Variants in GLIS1 observed in about 807,000 individuals in gnomAD.
The protein encoded by GLIS1 is zinc finger protein GLIS1.
A neutral mutation model predicts 63.8 loss-of-function variants in GLIS1; 24 were observed. The observed-to-expected ratio is 0.38, with a 90% CI of 0.27 to 0.53. The LOEUF (loss-of-function observed/expected upper bound fraction) is 0.53, where lower values mean the gene tolerates loss of function less well. GLIS1 is among the 20% of genes least tolerant of loss of function. GLIS1 has a pLI of 0.85. For missense variants in GLIS1, 1,036 were observed against 1,074.1 expected (o/e 0.96, Z 0.50); for synonymous variants, 450 against 482.5 (o/e 0.93, Z 0.88).
At chr1:53,548,624 T>C (rs912515808) in intron 4 of GLIS1, among the ~76,000 whole-genome samples, 4 of 152,178 alleles carry the variant, frequency 2.6e-5, no homozygotes, top group Admixed American at 6.5e-5. Context: ...TCTGACAAGG[T>C]AAGGGTTATA....
intron 2 of GLIS1, among the ~76,000 whole-genome samples, chr1:53,660,764 C>T (rs1646018579): frequency 6.6e-6 from 1 of 152,168 alleles, no homozygotes; most frequent in Admixed American, 6.5e-5. Context: ...GATGGGGGCT[C>T]TCCTGGTGCT....
At chr1:53,549,017 C>T (rs1268912039) in intron 4 of GLIS1, among the ~76,000 whole-genome samples, 4 of 152,222 alleles carry the variant, frequency 2.6e-5, no homozygotes, top group East Asian at 3.8e-4. Flanking sequence ...TGACACATCA[C>T]GTAAGTTGAA....
intron 2 of GLIS1, among the ~76,000 whole-genome samples, chr1:53,691,922 C>A (rs1444339816): frequency 6.6e-6 from 1 of 152,154 alleles, no homozygotes; most frequent in Non-Finnish European, 1.5e-5. Context: ...ATTACCATTA[C>A]TCTAGTCCCA....
intron 2 of GLIS1, among the ~76,000 whole-genome samples, chr1:53,728,360 C>A (rs771381764): frequency 3.1e-4 from 47 of 152,302 alleles, no homozygotes; most frequent in Middle Eastern, 6.8e-3. Context: ...ATTAATTGAG[C>A]ATTTACCATG....
intron 2 of GLIS1, among the ~76,000 whole-genome samples, chr1:53,629,765 A>G (rs1423891607): frequency 6.6e-6 from 1 of 152,112 alleles, no homozygotes; most frequent in Non-Finnish European, 1.5e-5. Flanking sequence ...CCTACTACAT[A>G]TTATTATATT....
At chr1:53,513,907 C>T (rs1241670213) in intron 8 of GLIS1, among the ~76,000 whole-genome samples, 1 of 152,250 alleles carries the variant, frequency 6.6e-6, no homozygotes, top group African/African-American at 2.4e-5. Flanking sequence ...GAGGAAGGTG[C>T]TGGGGCCAGG....
intron 2 of GLIS1, among the ~76,000 whole-genome samples, chr1:53,724,608 C>A (rs1359107186): frequency 6.6e-6 from 1 of 152,132 alleles, no homozygotes; most frequent in African/African-American, 2.4e-5. Flanking sequence ...CATCCTTGAA[C>A]TCCTGGGCTC....
At chr1:53,566,042 C>T (rs1225504567) in intron 4 of GLIS1, among the ~76,000 whole-genome samples, 3 of 152,106 alleles carry the variant, frequency 2.0e-5, no homozygotes, top group Non-Finnish European at 4.4e-5. Context: ...TGACTCACTA[C>T]ATATACAAAT....
intron 4 of GLIS1, among the ~76,000 whole-genome samples, 160 bp downstream of exon 4, chr1:53,593,948 C>A (rs956522794): frequency 2.6e-5 from 4 of 152,228 alleles, no homozygotes; most frequent in African/African-American, 9.6e-5. Context: ...ACCGTCTTGA[C>A]CAGGGGCCAC....
intron 3 of GLIS1, 56 bp from the exon 4 acceptor site, chr1:53,595,046 G>A: frequency 1.5e-6 from 2 of 1,372,608 alleles, no homozygotes; most frequent in Non-Finnish European, 1.9e-6. Flanking sequence ...CAGAGGGAAG[G>A]CTCAGGTGGG....
chr1:53,506,486 T>G lies in GLIS1; in HGVS notation c.*133A>C. 1.1e-6 allele frequency: 1 copy of G among 946,636 alleles called. No individual in the cohort carries two copies. Among genetic ancestry groups the G allele is most frequent in the Admixed American group, 2.5e-5 (1 of 39,270 alleles). The allele number at this position is 946,636 out of a possible 1,614,324, so 58.6% of individuals were successfully genotyped here. A position where few individuals can be genotyped will look rare whatever the true frequency, so the allele number is the denominator to read the frequency against. ...CGCTGGGTGGGGTGGCAGCGCTGGC[T>G]CCCCTGGGTCATGGCCTGGCTGTTC... On this transcript the variant is annotated 3_prime_UTR_variant, in exon 11 of 11. Coordinates refer to ENST00000628545, the MANE Select transcript of GLIS1 (RefSeq NM_001367484.1).
At chr1:53,684,441 C>T (rs971692290) in intron 2 of GLIS1, among the ~76,000 whole-genome samples, 1 of 152,126 alleles carries the variant, frequency 6.6e-6, no homozygotes, top group Admixed American at 6.5e-5. Context: ...CAGCCTGGGG[C>T]CCTTAAGATG....
intron 4 of GLIS1, among the ~76,000 whole-genome samples, chr1:53,586,722 TCAAG>T (rs1362690556): frequency 1.3e-5 from 2 of 152,164 alleles, no homozygotes; most frequent in Non-Finnish European, 2.9e-5. Flanking sequence ...CAGAAAAACT[TCAAG>T]CACCAGATTA....
intron 4 of GLIS1, among the ~76,000 whole-genome samples, chr1:53,561,039 G>C (rs1485328520): frequency 3.3e-5 from 5 of 152,146 alleles, no homozygotes; most frequent in Admixed American, 6.5e-5. Flanking sequence ...AGCCCCTACT[G>C]TGTGCCAGGC....
chr1:53,680,173 A>G (rs1646259169), intron 2 of GLIS1, among the ~76,000 whole-genome samples: 2 of 152,168 alleles, frequency 1.3e-5, no homozygotes, highest in African/African-American at 4.8e-5. Context: ...AGATTGTCTC[A>G]GCCACTAACA....
intron 2 of GLIS1, among the ~76,000 whole-genome samples, chr1:53,698,188 G>A (rs917709735): frequency 2.0e-5 from 3 of 151,986 alleles, no homozygotes; most frequent in East Asian, 1.9e-4. Context: ...GCTTCAGTGC[G>A]AGATGTCAGA....
At chr1:53,634,087 AAAG>A (rs1645698856) in intron 2 of GLIS1, among the ~76,000 whole-genome samples, 1 of 152,208 alleles carries the variant, frequency 6.6e-6, no homozygotes, top group South Asian at 2.1e-4. Flanking sequence ...GAAGTCTTAT[AAAG>A]ATGGAGTTGC....
At chr1:53,579,218 A>C (rs747903246) in intron 4 of GLIS1, among the ~76,000 whole-genome samples, 1 of 152,200 alleles carries the variant, frequency 6.6e-6, no homozygotes, top group Non-Finnish European at 1.5e-5. Flanking sequence ...TCAATGAGAA[A>C]GCCCCACTGG....
chr1:53,594,123 C>T lies in GLIS1; in HGVS notation c.1305G>A (p.Lys435=). Residue 435 remains lysine (K), a synonymous_variant, in exon 4 of 11, where the codon AAG becomes AAA. Coordinates refer to ENST00000628545, the MANE Select transcript of GLIS1 (RefSeq NM_001367484.1). Reference sequence around the variant, plus strand: ...GGGAACTCACCATGCACTTGTTGGGCTTCTCGCCCGAGTGCACTCGCATGT... The same window carrying T: ...GGGAACTCACCATGCACTTGTTGGGTTTCTCGCCCGAGTGCACTCGCATGT... ...LIHMRVHSGE[K]PNKCMFEGCS... 1 of 1,610,424 alleles carries T rather than the reference C, an allele frequency of 6.2e-7. No homozygotes were observed. The highest frequency in any genetic ancestry group is 8.5e-7 in the Non-Finnish European group (1 of 1,177,410).
Sources: gnomAD v4.1 joint callset for allele counts (sites outside exome capture counted in the v4.1 genomes callset) on GRCh38, gnomAD v4.1.1 for gene constraint, MANE v1.5 for transcripts, NCBI Gene and HGNC (gene_info 2026-07-23, HGNC 2026-07-21) for gene names.